Variants in CUBN observed in about 807,000 individuals in gnomAD.
CUBN encodes cubilin.
CUBN carries 282 observed loss-of-function variants against 405.3 expected under a neutral mutation model. The observed-to-expected ratio is 0.70, with a 90% confidence interval of 0.63 to 0.77. The LOEUF (loss-of-function observed/expected upper bound fraction) is 0.77, where lower values mean the gene tolerates loss of function less well. Ranked by LOEUF, CUBN falls within the 30% of genes least tolerant of loss-of-function variation. The pLI is 0.00. For synonymous variants in CUBN, 1,684 were observed against 1,617.0 expected, an observed-to-expected ratio of 1.04 and a Z score of -0.99; for missense variants, 4,514 against 4,475.2, an observed-to-expected ratio of 1.01 and a Z score of -0.25.
chr10:16,899,253 A>G, intron 53 of CUBN, 70 bp from the exon 54 acceptor site: 1 of 1,125,040 alleles, frequency 8.9e-7, no homozygotes, highest in Non-Finnish European at 1.4e-6. Flanking sequence ...AGACTGCTAC[A>G]GAAGGAACAT....
Position 16,869,693 on chromosome 10 carries a change from T to C in CUBN, c.9397A>G (p.Lys3133Glu), listed in dbSNP as rs1432636083. 6.2e-7 allele frequency: 1 copy of C among 1,614,108 alleles called. No homozygotes were observed. The highest frequency in any genetic ancestry group is 8.5e-7 in the Non-Finnish European group (1 of 1,180,008). ...TTTGCTGTCTGAAATGAATCTGTCT[T>C]GAACACCAGGAGCATACTATTATTG... ...SSNNSMLLVF[K>E]TDSFQTAKGW... The change falls in exon 59 of 67, where the codon AAG becomes GAG. Residue 3133 changes from lysine (K) to glutamate (E), a missense_variant. Lys to Glu is a moderately conservative substitution (Grantham distance 56). This residue lies in a region of CUBN where 1,186 missense variants were observed against 1,186.9 expected (regional missense o/e 1.00). Coordinates refer to ENST00000377833, the MANE Select transcript of CUBN (RefSeq NM_001081.4).
At chr10:16,852,032 C>T (rs2131339576) in intron 59 of CUBN, among the ~76,000 whole-genome samples, 1 of 112,796 alleles carries the variant, frequency 8.9e-6, no homozygotes, top group Non-Finnish European at 1.8e-5. Context: ...ATCTTTCCCT[C>T]CCTCCCTCTA....
At chr10:16,888,653 T>A (rs1840895046) in intron 55 of CUBN, 87 bp from the exon 56 acceptor site, 1 of 1,128,480 alleles carries the variant, frequency 8.9e-7, no homozygotes, top group Non-Finnish European at 1.3e-6. Flanking sequence ...TTTCCTAAAT[T>A]ATCTATAGAC....
At chr10:16,838,928 G>A (rs1373180317) in intron 62 of CUBN, among the ~76,000 whole-genome samples, 2 of 152,170 alleles carry the variant, frequency 1.3e-5, no homozygotes, top group East Asian at 1.9e-4. Context: ...TTATAAGCAT[G>A]AGCCACCACA....
chr10:17,007,226 T>G (rs980063923), intron 28 of CUBN, among the ~76,000 whole-genome samples: 1 of 145,178 alleles, frequency 6.9e-6, no homozygotes, highest in African/African-American at 2.5e-5. Context: ...AAGGCTGAAT[T>G]CAGCCGCTGG....
At chr10:16,981,732 C>G (rs1833281835) in intron 31 of CUBN, among the ~76,000 whole-genome samples, 1 of 152,118 alleles carries the variant, frequency 6.6e-6, no homozygotes, top group African/African-American at 2.4e-5. Context: ...TTCGTGTGCT[C>G]CCTCCTGAAT....
chr10:16,828,241 A>G (rs1230858018), intron 66 of CUBN, among the ~76,000 whole-genome samples: 1 of 152,136 alleles, frequency 6.6e-6, no homozygotes, highest in Non-Finnish European at 1.5e-5. Flanking sequence ...TGGGAACTGG[A>G]AGTCTAATGT....
At chr10:16,840,257 T>C in intron 62 of CUBN, 73 bp downstream of exon 62, 1 of 1,277,134 alleles carries the variant, frequency 7.8e-7, no homozygotes, top group Non-Finnish European at 1.1e-6. Context: ...CATGGCTTCA[T>C]TACTTCAAGT....
At chr10:17,083,899 A>G (rs150513964) in intron 17 of CUBN, among the ~76,000 whole-genome samples, 400 of 152,244 alleles carry the variant, frequency 2.6e-3, no homozygotes, top group Middle Eastern at 0.014. Flanking sequence ...AATCAAAATT[A>G]AAGATTTCTG....
intron 17 of CUBN, among the ~76,000 whole-genome samples, chr10:17,079,235 CT>C (rs34189586): frequency 0.021 from 2,623 of 124,440 alleles, 81 homozygotes; most frequent in African/African-American, 0.072. Flanking sequence ...AATGCAAACT[CT>C]TTTTTTTTTT....
chr10:16,898,066 G>GTGTATATATATATATA (rs1554789718), intron 54 of CUBN, among the ~76,000 whole-genome samples: 6 of 145,032 alleles, frequency 4.1e-5, no homozygotes, highest in African/African-American at 1.5e-4. Context: ...TTTATTATAT[G>GTGTATATATATATATA]TATATATATA....
intron 58 of CUBN, 50 bp downstream of exon 58, chr10:16,874,324 T>C: frequency 6.2e-7 from 1 of 1,603,602 alleles, no homozygotes; most frequent in Non-Finnish European, 8.5e-7. Flanking sequence ...GGCTCTTCTA[T>C]AAATAATGCT....
At chr10:16,984,497 C>A (rs2131701860) in intron 29 of CUBN, among the ~76,000 whole-genome samples, 1 of 152,180 alleles carries the variant, frequency 6.6e-6, no homozygotes, top group Non-Finnish European at 1.5e-5. Flanking sequence ...CCATAAAATG[C>A]CTGCTTGTTT....
intron 31 of CUBN, among the ~76,000 whole-genome samples, chr10:16,967,817 CAG>C (rs1474191156): frequency 8.1e-6 from 1 of 122,792 alleles, no homozygotes; most frequent in Admixed American, 8.4e-5. Flanking sequence ...GAAGGAGAGA[CAG>C]AGGGAGAGAG....
intron 23 of CUBN, among the ~76,000 whole-genome samples, chr10:17,046,761 A>G (rs954165598): frequency 7.2e-5 from 11 of 152,198 alleles, no homozygotes; most frequent in African/African-American, 1.4e-4. Flanking sequence ...TTTATAATAC[A>G]TAAGATTCCA....
At chr10:16,880,343 A>G (rs1009637997) in intron 56 of CUBN, among the ~76,000 whole-genome samples, 2 of 152,220 alleles carry the variant, frequency 1.3e-5, no homozygotes, top group Admixed American at 1.3e-4. Context: ...AATCCAGGCC[A>G]ATCAGATGTG....
chr10:16,860,139 A>G (rs75110638), intron 59 of CUBN, among the ~76,000 whole-genome samples: 2,328 of 152,244 alleles, frequency 0.015, 54 homozygotes, highest in African/African-American at 0.052. Flanking sequence ...AAACAAAAAG[A>G]AGTGGGACAA....
intron 29 of CUBN, among the ~76,000 whole-genome samples, chr10:16,986,621 TC>T (rs1414236977): frequency 6.6e-6 from 1 of 152,086 alleles, no homozygotes; most frequent in Non-Finnish European, 1.5e-5. Flanking sequence ...TCCCCCCAAG[TC>T]CCATCAAAAG....
At chr10:16,848,927 C>T (rs191649898) in intron 60 of CUBN, among the ~76,000 whole-genome samples, 123 of 152,088 alleles carry the variant, frequency 8.1e-4, no homozygotes, top group Admixed American at 8.5e-4. Context: ...TTGTCTCAAA[C>T]TTCTGAGCTC....
Sources: allele counts gnomAD v4.1 joint callset (sites outside exome capture counted in the v4.1 genomes callset), GRCh38; gene constraint gnomAD v4.1.1; regional missense constraint gnomAD v4.1.1; transcripts MANE v1.5; gene names NCBI Gene and HGNC (gene_info 2026-07-23, HGNC 2026-07-21).